FANCL: variants seen among roughly 807,000 people sequenced by gnomAD.
FANCL encodes the protein FA complementation group L.
Under a neutral mutation model 59.4 loss-of-function variants are expected in FANCL, and 69 were observed. That is an observed-to-expected ratio of 1.16 (90% CI 0.96 to 1.42). The LOEUF is 1.42. FANCL is among the 40% of genes most tolerant of loss of function. FANCL has a pLI of 0.00. For missense variants in FANCL, 519 were observed against 447.2 expected (o/e 1.16, Z -1.45); for synonymous variants, 180 against 147.1 (o/e 1.22, Z -1.62).
intron 7 of FANCL, among the ~76,000 whole-genome samples, chr2:58,174,660 G>C (rs940384553): frequency 2.0e-5 from 3 of 152,076 alleles, no homozygotes; most frequent in Admixed American, 2.0e-4. Context: ...GAAATTTATA[G>C]CACTAAATGC....
chr2:58,211,229 T>C (rs1691119197), intron 5 of FANCL, among the ~76,000 whole-genome samples: 1 of 152,242 alleles, frequency 6.6e-6, no homozygotes, highest in African/African-American at 2.4e-5. Flanking sequence ...ACCTCAGTTC[T>C]GGACTTCTGT....
intron 7 of FANCL, among the ~76,000 whole-genome samples, chr2:58,175,451 T>G (rs1406948545): frequency 6.6e-6 from 1 of 151,522 alleles, no homozygotes; most frequent in African/African-American, 2.5e-5. Context: ...CAAGTGGGCT[T>G]CATCCCTGGG....
intron 1 of FANCL, among the ~76,000 whole-genome samples, chr2:58,234,758 C>A (rs951121767): frequency 1.3e-5 from 2 of 151,538 alleles, no homozygotes; most frequent in Non-Finnish European, 2.9e-5. Flanking sequence ...ATATAGAAAA[C>A]AGAATATAAT....
intron 7 of FANCL, among the ~76,000 whole-genome samples, chr2:58,174,051 T>C (rs1329225097): frequency 1.3e-5 from 2 of 152,062 alleles, no homozygotes; most frequent in Non-Finnish European, 2.9e-5. Flanking sequence ...GGCCATTACA[T>C]AATGGTAAAG....
chr2:58,235,923 A>T (rs1228706438), intron 1 of FANCL, among the ~76,000 whole-genome samples: 4 of 151,904 alleles, frequency 2.6e-5, no homozygotes, highest in Non-Finnish European at 4.4e-5. Context: ...CTGAAGACAT[A>T]TCCCAAATAA....
intron 7 of FANCL, among the ~76,000 whole-genome samples, chr2:58,178,183 C>A (rs886573294): frequency 6.6e-6 from 1 of 152,106 alleles, no homozygotes; most frequent in African/African-American, 2.4e-5. Flanking sequence ...TGGTACCATT[C>A]CTTCTGAAAC....
chr2:58,199,067 G>A (rs1196028926), intron 6 of FANCL, among the ~76,000 whole-genome samples: 2 of 151,562 alleles, frequency 1.3e-5, no homozygotes, highest in African/African-American at 4.8e-5. Flanking sequence ...TATATTGGGG[G>A]AAAACATATT....
At chr2:58,195,769 AAGATG>A (rs1689369394) in intron 7 of FANCL, among the ~76,000 whole-genome samples, 1 of 152,188 alleles carries the variant, frequency 6.6e-6, no homozygotes, top group Admixed American at 6.6e-5. Context: ...AGGTCAGACT[AAGATG>A]AGACTAAAGC....
chr2:58,198,667 T>G lies in FANCL; in HGVS notation c.472-5A>C, dbSNP rs774247054. 2 of 1,610,254 alleles carry G rather than the reference T, an allele frequency of 1.2e-6. No homozygotes were observed. Among genetic ancestry groups the G allele is most frequent in the African/African-American group, 2.7e-5 (2 of 74,834 alleles). ...ATCTGGTGATTCTGCAGGATACTATTAAAAAAGCATAACATTAGACCATTT... is the reference window on the plus strand; with the variant it reads ...ATCTGGTGATTCTGCAGGATACTATGAAAAAAGCATAACATTAGACCATTT... On this transcript the variant is annotated splice_polypyrimidine_tract_variant and splice_region_variant and intron_variant, in intron 6 of 13. Transcript: ENST00000233741.
chr2:58,193,665 G>C (rs1212943026), intron 7 of FANCL, among the ~76,000 whole-genome samples: 2 of 152,064 alleles, frequency 1.3e-5, no homozygotes, highest in Non-Finnish European at 2.9e-5. Context: ...TTCCACTACT[G>C]TAAGTCCTCC....
chr2:58,198,835 C>T (rs1689702296), intron 6 of FANCL, among the ~76,000 whole-genome samples, 173 bp from the exon 7 acceptor site: 2 of 152,108 alleles, frequency 1.3e-5, no homozygotes, highest in African/African-American at 4.8e-5. Context: ...CGAGATCATC[C>T]TGGCTATACG....
chr2:58,177,727 C>T (rs149328692), intron 7 of FANCL, among the ~76,000 whole-genome samples: 1,505 of 149,900 alleles, frequency 0.01, 34 homozygotes, highest in African/African-American at 0.035. Flanking sequence ...CACATGTATA[C>T]ATATGTAAGT....
chr2:58,175,870 A>C (rs1226969625), intron 7 of FANCL, among the ~76,000 whole-genome samples: 1 of 151,930 alleles, frequency 6.6e-6, no homozygotes, highest in Non-Finnish European at 1.5e-5. Context: ...ACATGATTGT[A>C]TATCTAGAAA....
chr2:58,229,017 G>A (rs982326725), intron 3 of FANCL, among the ~76,000 whole-genome samples: 3 of 152,120 alleles, frequency 2.0e-5, no homozygotes, highest in Non-Finnish European at 4.4e-5. Flanking sequence ...AAAAACTTCT[G>A]TAATTATATT....
intron 7 of FANCL, among the ~76,000 whole-genome samples, chr2:58,171,928 T>TA (rs1274099434): frequency 6.6e-6 from 1 of 152,200 alleles, no homozygotes; most frequent in African/African-American, 2.4e-5. Flanking sequence ...CCGACGGGTT[T>TA]AAAAAACGGC....
At chr2:58,169,900 T>A (rs779974378) in intron 7 of FANCL, among the ~76,000 whole-genome samples, 4 of 152,044 alleles carry the variant, frequency 2.6e-5, no homozygotes, top group Non-Finnish European at 5.9e-5. Flanking sequence ...AATATCAGAC[T>A]ATGTGAAAAG....
chr2:58,230,244 G>T (rs762876936), intron 2 of FANCL, among the ~76,000 whole-genome samples: 7 of 152,064 alleles, frequency 4.6e-5, no homozygotes, highest in African/African-American at 1.7e-4. Context: ...ATTTGAAAAA[G>T]CATGTGTAGC....
At chr2:58,192,938 T>TA (rs995803120) in intron 7 of FANCL, among the ~76,000 whole-genome samples, 1 of 151,898 alleles carries the variant, frequency 6.6e-6, no homozygotes, top group Non-Finnish European at 1.5e-5. Context: ...TAAAACATTT[T>TA]AAAAAATCAA....
intron 8 of FANCL, among the ~76,000 whole-genome samples, chr2:58,165,405 A>T (rs1685798972): frequency 6.6e-6 from 1 of 152,254 alleles, no homozygotes; most frequent in African/African-American, 2.4e-5. Context: ...CATTATTCTG[A>T]CTTTTTTCTT....
Sources: gnomAD v4.1 joint callset for allele counts (sites outside exome capture counted in the v4.1 genomes callset) on GRCh38, gnomAD v4.1.1 for gene constraint, MANE v1.5 for transcripts, NCBI Gene and HGNC (gene_info 2026-07-23, HGNC 2026-07-21) for gene names.